TRPA1: variants seen among roughly 807,000 people sequenced by gnomAD.
The protein encoded by TRPA1 is transient receptor potential cation channel subfamily A member 1.
In TRPA1, 129 loss-of-function variants were observed where a neutral mutation model predicts 131.3. The ratio of observed to expected loss-of-function variants is 0.98; its 90% confidence interval spans 0.85 to 1.14. The LOEUF (loss-of-function observed/expected upper bound fraction) is 1.14. TRPA1 is among the 50% of genes most tolerant of loss of function. TRPA1 has a pLI of 0.00. For synonymous variants in TRPA1, 441 were observed against 451.7 expected (o/e 0.98, Z 0.30); for missense variants, 1,304 against 1,354.2 (o/e 0.96, Z 0.58).
intron 23 of TRPA1, 32 bp downstream of exon 23, chr8:72,033,612 A>G: frequency 6.3e-7 from 1 of 1,578,742 alleles, no homozygotes; most frequent in South Asian, 1.1e-5. Context: ...CAAATGATCA[A>G]CAAACAGAAA....
At chr8:72,030,428 G>A (rs925584273) in intron 23 of TRPA1, among the ~76,000 whole-genome samples, 3 of 152,112 alleles carry the variant, frequency 2.0e-5, no homozygotes, top group Non-Finnish European at 4.4e-5. Context: ...GTGGGAGACT[G>A]GGCATATAAT....
intron 15 of TRPA1, among the ~76,000 whole-genome samples, chr8:72,048,984 A>G (rs745487197): frequency 3.9e-5 from 6 of 152,200 alleles, no homozygotes; most frequent in Non-Finnish European, 5.9e-5. Context: ...GATTTCAACA[A>G]CTGTAACTAC....
chr8:72,040,261 T>A (rs1328160306), intron 17 of TRPA1, among the ~76,000 whole-genome samples: 1 of 152,078 alleles, frequency 6.6e-6, no homozygotes, highest in African/African-American at 2.4e-5. Context: ...AAAAATTAGT[T>A]TTTAATTATT....
rs1269800809 is a variant in TRPA1, at chr8:72,031,586, C to CA, written c.2869-1618dup. Among the ~76,000 whole-genome samples, 214 of 138,546 alleles carry CA rather than the reference C, an allele frequency of 1.5e-3. 3 individuals are homozygous for CA. The South Asian group carries it at 0.044, about 28-fold the overall frequency. 90.9% of individuals were successfully genotyped at this position (138,546 alleles called of 152,430 possible). A position where few individuals can be genotyped will look rare whatever the true frequency, so the allele number is the denominator to read the frequency against. ...GAATGAGATCCTATCTCAAAAAAAA[C>CA]AAAAAAACAAAAAAAAAACAAAAAA... On this transcript the variant is annotated intron_variant, in intron 23 of 26. Coordinates refer to ENST00000262209, the MANE Select transcript of TRPA1 (RefSeq NM_007332.3).
chr8:72,029,989 T>C lies in TRPA1; in HGVS notation c.2869-20A>G. The C allele has an allele frequency of 1.9e-6, 3 of 1,608,482 alleles. No homozygotes were observed. Among genetic ancestry groups the C allele is most frequent in the Non-Finnish European group, 2.6e-6 (3 of 1,174,932 alleles). On this transcript the variant is annotated intron_variant, in intron 23 of 26. Coordinates refer to ENST00000262209, the MANE Select transcript of TRPA1 (RefSeq NM_007332.3). ...ACCAATCTGAAGTATGACACAAAAT[T>C]AAATCACTACAGTTGAATGGTCCAC...
rs2120474 is a variant in TRPA1 at position 72,050,750 on chromosome 8, G to A, written c.1905+28C>T. 872,813 of 1,430,132 alleles carry A rather than the reference G, an allele frequency of 0.61. 269,010 individuals are homozygous for A. Among genetic ancestry groups the A allele is most frequent in the Admixed American group, 0.78 (46,695 of 59,580 alleles). 88.6% of individuals were successfully genotyped at this position (1,430,132 alleles called of 1,614,324 possible). The stretch of plus-strand genomic sequence containing the variant: ...AACAACATATGTCAAGCATAAACCC[G>A]GGAAGAATTTTGTTTTAGAGAATTT... On this transcript the variant is annotated intron_variant, in intron 15 of 26. Transcript: ENST00000262209.
In TRPA1 at chr8:72,026,063, T is replaced by G; in HGVS notation, c.2948A>C (p.His983Pro). ...TGGCAGCTTCTTCTCTAAGCTGGTATGAAGTTCCACCTAAAGTGCATTTTG... is the reference window on the plus strand; with the variant it reads ...TGGCAGCTTCTTCTCTAAGCTGGTAGGAAGTTCCACCTAAAGTGCATTTTG... ...LKRIAMQVEL[H>P]TSLEKKLPLW... Residue 983 changes from histidine to proline, a missense_variant, in exon 25 of 27, where the codon CAT (histidine) becomes CCT (proline). By Grantham distance (77) the His-to-Pro change is moderately conservative (BLOSUM62 -2). Coordinates refer to ENST00000262209, the MANE Select transcript of TRPA1 (RefSeq NM_007332.3). 1.2e-6 allele frequency: 2 copies of G among 1,613,768 alleles called. No homozygotes were observed. The highest frequency in any genetic ancestry group is 1.7e-6 in the Non-Finnish European group (2 of 1,179,720).
chr8:72,036,377 C>A lies in TRPA1; in HGVS notation c.2466G>T (p.Leu822Phe). The change falls in exon 21 of 27, where the codon TTG (leucine) becomes TTT (phenylalanine). Residue 822 changes from leucine to phenylalanine, a missense_variant. Physicochemically the swap from Leu to Phe is conservative, Grantham distance 22. Coordinates refer to ENST00000262209, the MANE Select transcript of TRPA1 (RefSeq NM_007332.3). ...GCAGATGAGCTGGTATTTCAACAAA[C>A]AAGGGCAGCACAAAAATGATGCCCG... ...YTTGIIFVLP[L>F]FVEIPAHLQW... 5 of 1,614,158 alleles carry A rather than the reference C, an allele frequency of 3.1e-6. No homozygotes were observed. The highest frequency in any genetic ancestry group is 1.3e-5 in the African/African-American group (1 of 75,066).
chr8:72,046,567 G>T lies in TRPA1; in HGVS notation c.2007C>A (p.Phe669Leu). Reference sequence around the variant, plus strand: ...CATCCTGTGTAGGTGTTTTTTTGGTGAATTCTAATGGACATTGAAGATATT... The same window carrying T: ...CATCCTGTGTAGGTGTTTTTTTGGTTAATTCTAATGGACATTGAAGATATT... ...NFKYLQCPLE[F>L]TKKTPTQDVI... Residue 669 changes from phenylalanine to leucine, a missense_variant, in exon 17 of 27, where the codon TTC (phenylalanine) becomes TTA (leucine). Physicochemically the swap from Phe to Leu is conservative, Grantham distance 22. Coordinates refer to ENST00000262209, the MANE Select transcript of TRPA1 (RefSeq NM_007332.3). 6.3e-7 allele frequency: 1 copy of T among 1,598,148 alleles called. No individual in the cohort carries two copies.
intron 4 of TRPA1, among the ~76,000 whole-genome samples, chr8:72,064,567 T>C (rs1392659772): frequency 1.3e-5 from 2 of 152,126 alleles, no homozygotes; most frequent in Non-Finnish European, 1.5e-5. Context: ...GGTCCAATCA[T>C]GACAGCTTAG....
intron 12 of TRPA1, chr8:72,054,175 AT>A: frequency 2.7e-6 from 1 of 364,170 alleles, no homozygotes; most frequent in Non-Finnish European, 5.2e-6. Context: ...GTCATACCTA[AT>A]TTTTTTAAAG....
intron 6 of TRPA1, 52 bp downstream of exon 6, chr8:72,062,747 A>G: frequency 2.6e-6 from 4 of 1,558,016 alleles, no homozygotes; most frequent in Non-Finnish European, 3.5e-6. Flanking sequence ...AGCATTTTAT[A>G]TGTTTATGAC....
intron 10 of TRPA1, among the ~76,000 whole-genome samples, chr8:72,056,581 A>G (rs1805672840): frequency 6.6e-6 from 1 of 152,110 alleles, no homozygotes; most frequent in South Asian, 2.1e-4. Context: ...TCATTCTTAT[A>G]TTTGGCTTTT....
intron 20 of TRPA1, among the ~76,000 whole-genome samples, chr8:72,036,833 A>T (rs1430987465): frequency 6.6e-6 from 1 of 152,228 alleles, no homozygotes; most frequent in Non-Finnish European, 1.5e-5. Flanking sequence ...AGCTCTCTTT[A>T]TGAACTAAAG....
At chr8:72,029,690 T>A (rs2129432964) in intron 24 of TRPA1, 1 of 653,780 alleles carries the variant, frequency 1.5e-6, no homozygotes, top group South Asian at 1.8e-5. Flanking sequence ...TGTGGTATTC[T>A]CCTGGGATGC....
chr8:72,023,327 AT>A, intron 26 of TRPA1: 1 of 621,212 alleles, frequency 1.6e-6, no homozygotes, highest in Non-Finnish European at 2.8e-6. Flanking sequence ...TGGCTAGTTT[AT>A]TTTTGTTCCC....
In TRPA1 at chr8:72,071,694, T is replaced by C. The variant is rs369630560; in HGVS notation, c.268+17A>G. ...GGATGAATGATTTCTGGAAGATGAA[T>C]TGTAATATTTTGTTACCTTCCAAAG... On this transcript the variant is annotated intron_variant, in intron 2 of 26. Coordinates refer to ENST00000262209, the MANE Select transcript of TRPA1 (RefSeq NM_007332.3). 5.0e-6 allele frequency: 8 copies of C among 1,612,760 alleles called. No homozygotes were observed. Among genetic ancestry groups the C allele is most frequent in the Middle Eastern group, 1.7e-4 (1 of 5,872 alleles).
the TRPA1 span, among the ~76,000 whole-genome samples, chr8:72,087,893 G>C: frequency 5.3e-5 from 8 of 152,276 alleles, no homozygotes; most frequent in Non-Finnish European, 1.0e-4. Flanking sequence ...TCTGATGACA[G>C]AGGCTGGCTG....
rs896714403 is a variant in TRPA1 at position 72,022,611 on chromosome 8, T to C, written c.*295A>G. 7 of 472,954 alleles carry C rather than the reference T, an allele frequency of 1.5e-5. No individual in the cohort carries two copies. The highest frequency in any genetic ancestry group is 2.3e-5 in the Non-Finnish European group (6 of 258,310). 29.3% of individuals were successfully genotyped at this position (472,954 alleles called of 1,614,324 possible). On this transcript the variant is annotated 3_prime_UTR_variant, in exon 27 of 27. Coordinates refer to ENST00000262209, the MANE Select transcript of TRPA1 (RefSeq NM_007332.3). Reference sequence around the variant, plus strand: ...AGTTACATTTATTACTTCTTTTCATTAAAAATGTGTGTTCTAGCAAATTCA... The same window carrying C: ...AGTTACATTTATTACTTCTTTTCATCAAAAATGTGTGTTCTAGCAAATTCA...
Sources: gnomAD v4.1 joint callset for allele counts (sites outside exome capture counted in the v4.1 genomes callset) on GRCh38, gnomAD v4.1.1 for gene constraint, MANE v1.5 for transcripts, NCBI Gene and HGNC (gene_info 2026-07-23, HGNC 2026-07-21) for gene names.